SCN10A: variants seen among roughly 807,000 people sequenced by gnomAD.
SCN10A encodes sodium voltage-gated channel alpha subunit 10, also known as sodium channel protein type 10 subunit alpha.
SCN10A carries 162 observed loss-of-function variants against 170.7 expected under a neutral mutation model. The ratio of observed to expected loss-of-function variants is 0.95; its 90% CI spans 0.84 to 1.08. The LOEUF (loss-of-function observed/expected upper bound fraction) is 1.08. Among genes scored for constraint, SCN10A ranks in the 50% least tolerant of loss-of-function variants. The probability of loss-of-function intolerance (pLI) is 0.00; values close to 1 mark genes in which losing one functional copy is unlikely to be tolerated. For synonymous variants in SCN10A, 985 were observed against 904.6 expected (o/e 1.09, Z -1.59); for missense variants, 2,527 against 2,436.9 (o/e 1.04, Z -0.78).
chr3:38,791,335 G>A (rs1292206122), intron 3 of SCN10A, among the ~76,000 whole-genome samples: 1 of 152,132 alleles, frequency 6.6e-6, no homozygotes, highest in East Asian at 1.9e-4. Context: ...AGTTTGGCTT[G>A]CCTTGCAAAA....
rs187294988 is a variant in SCN10A, at chr3:38,722,971, G to A, written c.3352+459C>T. 3.4e-3 allele frequency among the ~76,000 whole-genome samples: 521 copies of A among 152,326 alleles called. 1 individual carries two copies. The highest frequency in any genetic ancestry group is 0.012 in the African/African-American group (500 of 41,566). On this transcript the variant is annotated intron_variant, in intron 19 of 27. Coordinates refer to ENST00000449082, the MANE Select transcript of SCN10A (RefSeq NM_006514.4). ...CACAAATATTTATTGAGAATGTAAT[G>A]TGCCTCACTGTTCTAAACACTGAGA...
intron 4 of SCN10A, among the ~76,000 whole-genome samples, chr3:38,785,380 G>A (rs1478752321): frequency 2.6e-5 from 4 of 152,164 alleles, no homozygotes; most frequent in South Asian, 2.1e-4. Flanking sequence ...AAGCAATGGG[G>A]AAAGGATTCC....
intron 5 of SCN10A, among the ~76,000 whole-genome samples, chr3:38,766,297 A>G (rs2063932150): frequency 6.6e-6 from 1 of 152,086 alleles, no homozygotes; most frequent in Non-Finnish European, 1.5e-5. Context: ...GAAAGTGGGC[A>G]TCCTTGTCTT....
At chr3:38,775,619 T>C (rs2064063343) in intron 4 of SCN10A, among the ~76,000 whole-genome samples, 1 of 152,166 alleles carries the variant, frequency 6.6e-6, no homozygotes, top group Non-Finnish European at 1.5e-5. Flanking sequence ...AGCTTCATGA[T>C]AAATAGAACA....
At chr3:38,804,954 G>A (rs1400041827) in intron 1 of SCN10A, among the ~76,000 whole-genome samples, 1 of 152,156 alleles carries the variant, frequency 6.6e-6, no homozygotes, top group African/African-American at 2.4e-5. Flanking sequence ...GCTGAGTCTT[G>A]TTCTAGTTGT....
chr3:38,760,720 G>C lies in SCN10A; in HGVS notation c.911C>G (p.Thr304Ser). 2.5e-6 allele frequency: 4 copies of C among 1,614,080 alleles called. No individual in the cohort carries two copies. Among genetic ancestry groups the C allele is most frequent in the Non-Finnish European group, 3.4e-6 (4 of 1,179,884 alleles). ...ATTGCCACACAGTAAGGGGTCAGAA[G>C]TGCCTCGCTTATTTATGTAGATATC... ...KPDIYINKRG[T>S]SDPLLCGNGS... The change falls in exon 8 of 28, where the codon ACT becomes AGT. Residue 304 changes from threonine (T) to serine (S), a missense_variant. Transcript: ENST00000449082.
At chr3:38,747,069 C>A (rs2063699126) in intron 13 of SCN10A, among the ~76,000 whole-genome samples, 1 of 152,130 alleles carries the variant, frequency 6.6e-6, no homozygotes, top group Non-Finnish European at 1.5e-5. Context: ...AACATCCAAC[C>A]AGAGAAGATG....
intron 1 of SCN10A, among the ~76,000 whole-genome samples, chr3:38,800,308 G>A (rs2126064110): frequency 6.6e-6 from 1 of 152,256 alleles, no homozygotes; most frequent in East Asian, 1.9e-4. Context: ...GGGGAGAATT[G>A]GACTAAGATG....
At chr3:38,738,107 AT>A (rs2063590650) in intron 15 of SCN10A, among the ~76,000 whole-genome samples, 1 of 151,498 alleles carries the variant, frequency 6.6e-6, no homozygotes, top group African/African-American at 2.4e-5. Flanking sequence ...TGCCTGGCTA[AT>A]TTTTTCATTT....
rs1483116302 is a variant in SCN10A, at chr3:38,726,943, A to T, written c.2750T>A (p.Ile917Asn). Residue 917 changes from isoleucine to asparagine, a missense_variant, in exon 17 of 28, where the codon ATC becomes AAC. Ile to Asn is a moderately radical substitution (Grantham distance 149). Transcript: ENST00000449082. ...VNNLQVALAR[I>N]QVFGHRTKQA... Reference sequence around the variant, plus strand: ...TTTGGTACGATGGCCAAAGACCTGGATCCGTGCCAGGGCCACCTGCAGGTT... The same window carrying T: ...TTTGGTACGATGGCCAAAGACCTGGTTCCGTGCCAGGGCCACCTGCAGGTT... 6.2e-7 allele frequency: 1 copy of T among 1,614,116 alleles called. No homozygotes were observed. The highest frequency in any genetic ancestry group is 1.7e-5 in the Admixed American group (1 of 60,006).
chr3:38,812,713 A>C (rs2064448897), intron 1 of SCN10A, among the ~76,000 whole-genome samples: 1 of 152,078 alleles, frequency 6.6e-6, no homozygotes, highest in Non-Finnish European at 1.5e-5. Flanking sequence ...CTGGGCACAG[A>C]AACCTCTCCT....
chr3:38,786,252 G>C (rs1043205738), intron 4 of SCN10A, among the ~76,000 whole-genome samples: 5 of 152,002 alleles, frequency 3.3e-5, no homozygotes, highest in Non-Finnish European at 7.4e-5. Flanking sequence ...TGATAGACTG[G>C]ATAAAGAAAA....
At position 38,698,336 on chromosome 3, in the gene SCN10A, G is replaced by A. The variant is rs775363269; in HGVS notation, c.4884C>T (p.Ser1628=). Residue 1628 remains serine (S), a synonymous_variant, in exon 28 of 28, where the codon AGC becomes AGT. Coordinates refer to ENST00000449082, the MANE Select transcript of SCN10A (RefSeq NM_006514.4). ...MFIYSIFGMS[S]FPHVRWEAGI... Reference sequence around the variant, plus strand: ...CAGCCTCCCACCTCACATGGGGAAAGCTGGACATACCGAAGATAGAGTAGA... The same window carrying A: ...CAGCCTCCCACCTCACATGGGGAAAACTGGACATACCGAAGATAGAGTAGA... 4.3e-6 allele frequency: 7 copies of A among 1,614,026 alleles called. No individual in the cohort carries two copies. Among genetic ancestry groups the A allele is most frequent in the East Asian group, 2.2e-5 (1 of 44,874 alleles).
intron 1 of SCN10A, among the ~76,000 whole-genome samples, chr3:38,807,378 T>C (rs1380925252): frequency 2.6e-5 from 4 of 152,218 alleles, no homozygotes; most frequent in African/African-American, 9.6e-5. Flanking sequence ...GTTTTTGCAC[T>C]TCAAAGCACT....
Position 38,758,421 on chromosome 3 carries a change from A to G in SCN10A, c.951-1262T>C, listed in dbSNP as rs190032565. Among the ~76,000 whole-genome samples, 3 of 152,342 alleles carry G rather than the reference A, an allele frequency of 2.0e-5. No homozygotes were observed. In the East Asian group the frequency reaches 5.8e-4, roughly 29 times the overall value. On this transcript the variant is annotated intron_variant, in intron 8 of 27. Transcript: ENST00000449082. ...ACTGCTCTGAGGATTAAATGAGATC[A>G]CTGTATAGTGTCTTGCACTTCTGCA...
rs950468579 is a variant in SCN10A at position 38,696,866 on chromosome 3, A to G, written c.*483T>C. The G allele has an allele frequency of 6.0e-6, 1 of 166,734 alleles. No homozygotes were observed. Among genetic ancestry groups the G allele is most frequent in the African/African-American group, 2.4e-5 (1 of 41,810 alleles). The allele number at this position is 166,734 out of a possible 1,614,324, so 10.3% of individuals were successfully genotyped here. A position where few individuals can be genotyped will look rare whatever the true frequency, so the allele number is the denominator to read the frequency against. ...AAAGGCTTTTCATGACATAGGCCAC[A>G]GGTGTTACCCTGGGTCAGAGCAGTT... On this transcript the variant is annotated 3_prime_UTR_variant, in exon 28 of 28. Transcript: ENST00000449082.
chr3:38,764,949 T>G (rs1207256849), intron 5 of SCN10A, among the ~76,000 whole-genome samples: 1 of 152,246 alleles, frequency 6.6e-6, no homozygotes, highest in Non-Finnish European at 1.5e-5. Context: ...TGCATTTCCC[T>G]GATAATTAAT....
chr3:38,815,108 G>GA (rs149595257), intron 1 of SCN10A, among the ~76,000 whole-genome samples: 2 of 152,034 alleles, frequency 1.3e-5, no homozygotes, highest in African/African-American at 2.4e-5. Flanking sequence ...AGCTATGGGG[G>GA]AAAAAAAGCC....
rs2063102161 is a variant in SCN10A at position 38,697,472 on chromosome 3, T to A, written c.5748A>T (p.Ser1916=). Residue 1916 remains serine, a synonymous_variant, in exon 28 of 28, where the codon TCA becomes TCT. Transcript: ENST00000449082. ...TGACACTCTCATAGGACGGTGGGAATGATGTGGCAGAAGCAGTTTCAGATT... is the reference window on the plus strand; with the variant it reads ...TGACACTCTCATAGGACGGTGGGAAAGATGTGGCAGAAGCAGTTTCAGATT... ...PDKSETASAT[S]FPPSYESVTR... is the part of the protein sequence containing the mutation. 1.9e-6 allele frequency: 3 copies of A among 1,614,088 alleles called. No homozygotes were observed. The highest frequency in any genetic ancestry group is 2.2e-5 in the South Asian group (2 of 91,084).
Sources: allele counts gnomAD v4.1 joint callset (sites outside exome capture counted in the v4.1 genomes callset), GRCh38; gene constraint gnomAD v4.1.1; transcripts MANE v1.5; gene names NCBI Gene and HGNC (gene_info 2026-07-23, HGNC 2026-07-21).